The following PSMD1 variants were observed in gnomAD, a reference collection of about 807,000 sequenced individuals.
PSMD1 encodes 26S proteasome non-ATPase regulatory subunit 1.
PSMD1 carries 18 observed loss-of-function variants against 119.0 expected under a neutral mutation model. That is an observed-to-expected ratio of 0.15 (90% CI 0.10 to 0.22). The LOEUF (loss-of-function observed/expected upper bound fraction) is 0.22, where lower values mean the gene tolerates loss of function less well. PSMD1 is among the 10% of genes least tolerant of loss of function. PSMD1 has a pLI of 1.00. For missense variants in PSMD1, 702 were observed against 1,158.5 expected (o/e 0.61, Z 5.72); for synonymous variants, 374 against 396.6 (o/e 0.94, Z 0.68).
intron 16 of PSMD1, among the ~76,000 whole-genome samples, chr2:231,098,894 A>G (rs1694796158): frequency 6.6e-6 from 1 of 152,144 alleles, no homozygotes; most frequent in South Asian, 2.1e-4. Flanking sequence ...ACCTCTTTCA[A>G]AGGAAAGAAA....
chr2:231,100,027 C>G (rs945886395), intron 16 of PSMD1, among the ~76,000 whole-genome samples: 1 of 151,990 alleles, frequency 6.6e-6, no homozygotes, highest in East Asian at 1.9e-4. Context: ...GCTGAGAGCT[C>G]GGGTTATTCC....
intron 1 of PSMD1, among the ~76,000 whole-genome samples, chr2:231,057,281 C>T (rs1574697147): frequency 6.6e-6 from 1 of 152,160 alleles, no homozygotes; most frequent in Non-Finnish European, 1.5e-5. Flanking sequence ...AATCACACCC[C>T]AGCGCCAGGA....
rs774741734 is a variant in PSMD1, at chr2:231,080,137, A to C, written c.1240-4A>C. The C allele has an allele frequency of 6.2e-7, 1 of 1,604,618 alleles. No individual in the cohort carries two copies. Among genetic ancestry groups the C allele is most frequent in the South Asian group, 1.1e-5 (1 of 89,004 alleles). Reference sequence around the variant, plus strand: ...GATGTCTTTGTTATGACTTACCTTTACAGGGTCATGAAAAAGAAGCATTAC... The same window carrying C: ...GATGTCTTTGTTATGACTTACCTTTCCAGGGTCATGAAAAAGAAGCATTAC... On this transcript the variant is annotated splice_region_variant and splice_polypyrimidine_tract_variant and intron_variant, in intron 11 of 24. Coordinates refer to ENST00000308696, the MANE Select transcript of PSMD1 (RefSeq NM_002807.4).
intron 1 of PSMD1, among the ~76,000 whole-genome samples, chr2:231,060,615 G>A (rs187127482): frequency 2.2e-4 from 33 of 152,300 alleles, no homozygotes; most frequent in African/African-American, 7.5e-4. Flanking sequence ...GCTAAGAGAA[G>A]CCATATGGAG....
intron 16 of PSMD1, among the ~76,000 whole-genome samples, chr2:231,096,708 T>G (rs935163392): frequency 6.6e-6 from 1 of 152,216 alleles, no homozygotes; most frequent in East Asian, 1.9e-4. Flanking sequence ...AGCGCACACT[T>G]GGACAAGGGA....
At chr2:231,087,649 T>C (rs1297581629) in intron 16 of PSMD1, among the ~76,000 whole-genome samples, 1 of 152,130 alleles carries the variant, frequency 6.6e-6, no homozygotes, top group African/African-American at 2.4e-5. Context: ...CTTGGCAGTA[T>C]GATATAGTTG....
rs764298706 is a variant in PSMD1 at position 231,165,217 on chromosome 2, A to G, written c.2499A>G (p.Leu833=). The change falls in exon 22 of 25, where the codon TTA becomes TTG. Residue 833 remains leucine, a synonymous_variant. Coordinates refer to ENST00000308696, the MANE Select transcript of PSMD1 (RefSeq NM_002807.4). ...KEKEKVSTAV[L]SITAKAKKKE... is the part of the protein sequence containing the mutation. ...TTCCCCAGGTTTCTACTGCTGTATT[A>G]TCTATAACTGCCAAGGCTAAAAAGA... is the stretch of plus-strand genomic sequence containing the variant. The G allele has an allele frequency of 2.5e-6, 4 of 1,608,110 alleles. No homozygotes were observed. The highest frequency in any genetic ancestry group is 2.2e-5 in the East Asian group (1 of 44,584).
intron 21 of PSMD1, 131 bp downstream of exon 21, chr2:231,163,858 G>C (rs1696695526): frequency 1.5e-6 from 1 of 688,020 alleles, no homozygotes; most frequent in African/African-American, 1.8e-5. Flanking sequence ...CATTACACAA[G>C]AATATGAAGT....
intron 18 of PSMD1, among the ~76,000 whole-genome samples, chr2:231,151,591 T>C (rs972109426): frequency 1.5e-4 from 23 of 152,170 alleles, no homozygotes; most frequent in African/African-American, 4.8e-4. Context: ...TTTTCTATTG[T>C]TTTGGGTACA....
At chr2:231,134,701 CCAA>C (rs1331712617) in intron 16 of PSMD1, among the ~76,000 whole-genome samples, 1 of 152,174 alleles carries the variant, frequency 6.6e-6, no homozygotes, top group Non-Finnish European at 1.5e-5. Context: ...TCATTCCTTT[CCAA>C]CAACATTTAT....
chr2:231,074,095 G>C (rs1325186459), intron 7 of PSMD1, among the ~76,000 whole-genome samples: 6 of 151,766 alleles, frequency 4.0e-5, no homozygotes, highest in Non-Finnish European at 7.4e-5. Flanking sequence ...TTCAATCTTA[G>C]GGGGATAGAA....
chr2:231,060,316 T>C (rs1693723869), intron 1 of PSMD1: 1 of 152,228 alleles, frequency 6.6e-6, no homozygotes, highest in Non-Finnish European at 1.5e-5. Context: ...TCCTAAAGAT[T>C]GCTTAAGCTA....
chr2:231,072,438 C>A (rs1204161714), intron 7 of PSMD1, 23 bp downstream of exon 7: 2 of 1,524,980 alleles, frequency 1.3e-6, no homozygotes, highest in South Asian at 1.1e-5. Context: ...TTTTCTGCAT[C>A]AAAACTAATT....
At chr2:231,156,400 T>C (rs1309024020) in intron 19 of PSMD1, among the ~76,000 whole-genome samples, 1 of 152,114 alleles carries the variant, frequency 6.6e-6, no homozygotes, top group East Asian at 1.9e-4. Flanking sequence ...ATGTTGTACA[T>C]TTTATGGGTT....
At chr2:231,129,832 T>C (rs150773869) in intron 16 of PSMD1, among the ~76,000 whole-genome samples, 2 of 152,306 alleles carry the variant, frequency 1.3e-5, no homozygotes, top group African/African-American at 4.8e-5. Flanking sequence ...TCCCCTACTT[T>C]TTTGTTTTTT....
Position 231,062,310 on chromosome 2 carries a change from C to A in PSMD1, c.123C>A (p.Ser41=). The change falls in exon 3 of 25, where the codon TCC becomes TCA. Residue 41 remains serine, a synonymous_variant. Transcript: ENST00000308696. The part of the protein sequence containing the change: ...VNDFWAEISE[S]VDKIEVLYED... ...ACTTCTGGGCAGAAATTTCCGAGTC[C>A]GTAGACAAAATGTAAGAAATTATTT... The A allele has an allele frequency of 4.4e-6, 7 of 1,608,162 alleles. No homozygotes were observed. Among genetic ancestry groups the A allele is most frequent in the Non-Finnish European group, 6.0e-6 (7 of 1,175,016 alleles).
intron 10 of PSMD1, 44 bp downstream of exon 10, chr2:231,078,791 CTTTTTTTT>C: frequency 5.6e-5 from 19 of 341,344 alleles, no homozygotes; most frequent in Middle Eastern, 9.9e-4. Flanking sequence ...AAATCTTTTT[CTTTTTTTT>C]TTTTTTTTTT....
At chr2:231,142,165 G>A (rs1337044681) in intron 17 of PSMD1, among the ~76,000 whole-genome samples, 2 of 152,340 alleles carry the variant, frequency 1.3e-5, no homozygotes, top group East Asian at 3.9e-4. Context: ...TTATAGGCAT[G>A]AGCCACTGTG....
chr2:231,086,788 T>C (rs985752460), intron 15 of PSMD1, among the ~76,000 whole-genome samples: 1 of 152,090 alleles, frequency 6.6e-6, no homozygotes, highest in Non-Finnish European at 1.5e-5. Flanking sequence ...TCTTCAAAAA[T>C]ACATGTGGCC....
Sources: allele counts gnomAD v4.1 joint callset (sites outside exome capture counted in the v4.1 genomes callset), GRCh38; gene constraint gnomAD v4.1.1; transcripts MANE v1.5; gene names NCBI Gene and HGNC (gene_info 2026-07-23, HGNC 2026-07-21).